The following FAM13C variants were observed in gnomAD, a reference collection of about 807,000 sequenced individuals.
FAM13C encodes the protein family with sequence similarity 13 member C.
FAM13C carries 37 observed loss-of-function variants against 73.2 expected under a neutral mutation model. That is an observed-to-expected ratio of 0.51 (90% CI 0.39 to 0.67). The LOEUF (loss-of-function observed/expected upper bound fraction) is 0.67. Among genes scored for constraint, FAM13C ranks in the 30% least tolerant of loss-of-function variants. The pLI, the probability that FAM13C is intolerant of heterozygous loss-of-function variation, is 0.00. For missense variants in FAM13C, 589 were observed against 715.6 expected, an observed-to-expected ratio of 0.82 and a Z score of 2.02; for synonymous variants, 246 against 260.9, an observed-to-expected ratio of 0.94 and a Z score of 0.55.
intron 6 of FAM13C, among the ~76,000 whole-genome samples, chr10:59,273,177 A>G (rs1199768096): frequency 6.6e-6 from 1 of 152,198 alleles, no homozygotes; most frequent in Non-Finnish European, 1.5e-5. Flanking sequence ...AATTTGATGT[A>G]CTAGTTACAT....
intron 8 of FAM13C, among the ~76,000 whole-genome samples, chr10:59,265,324 G>GCGC (rs752243916): frequency 2.5e-5 from 1 of 39,904 alleles, no homozygotes; most frequent in East Asian, 7.8e-4. Flanking sequence ...GGTTTTGGCG[G>GCGC]GGGGGGGGGG....
chr10:59,326,567 C>T (rs572826597), intron 3 of FAM13C, among the ~76,000 whole-genome samples: 9 of 152,308 alleles, frequency 5.9e-5, no homozygotes, highest in East Asian at 1.9e-4. Context: ...TCTTAGAAAA[C>T]ACCGAGTTTA....
chr10:59,333,614 C>A (rs150440342), intron 3 of FAM13C, among the ~76,000 whole-genome samples: 1 of 152,170 alleles, frequency 6.6e-6, no homozygotes, highest in Non-Finnish European at 1.5e-5. Flanking sequence ...CCTGTTGATA[C>A]GGAATCTCTA....
At chr10:59,297,580 G>T (rs284590) in intron 5 of FAM13C, among the ~76,000 whole-genome samples, 149,370 of 152,204 alleles carry the variant, frequency 0.98, 73,353 homozygotes, top group Middle Eastern at 1. Flanking sequence ...GTTACTTCAA[G>T]GTCCAGGCTG....
At chr10:59,270,531 G>A (rs1365672303) in intron 6 of FAM13C, among the ~76,000 whole-genome samples, 1 of 152,072 alleles carries the variant, frequency 6.6e-6, no homozygotes, top group Non-Finnish European at 1.5e-5. Context: ...AGGGAGAGAA[G>A]GGAGTAGGAG....
chr10:59,337,921 C>T (rs563303839), intron 3 of FAM13C, among the ~76,000 whole-genome samples: 1 of 151,974 alleles, frequency 6.6e-6, no homozygotes, highest in Non-Finnish European at 1.5e-5. Context: ...CTCAGGTAAT[C>T]CACCCACCTC....
chr10:59,312,395 C>G (rs1046576322), intron 4 of FAM13C, among the ~76,000 whole-genome samples: 1 of 152,120 alleles, frequency 6.6e-6, no homozygotes, highest in African/African-American at 2.4e-5. Context: ...CTATCCTTCA[C>G]CTGTCATCTT....
chr10:59,338,381 T>G (rs284639), intron 3 of FAM13C, among the ~76,000 whole-genome samples: 151,254 of 152,234 alleles, frequency 0.99, 75,144 homozygotes, highest in Middle Eastern at 1. Context: ...TCAAGCAGAG[T>G]CACCCTCCAA....
At chr10:59,292,624 C>T (rs1846391216) in intron 5 of FAM13C, among the ~76,000 whole-genome samples, 1 of 152,220 alleles carries the variant, frequency 6.6e-6, no homozygotes, top group Non-Finnish European at 1.5e-5. Context: ...TATGAAATAA[C>T]ATATATCTAT....
chr10:59,347,770 A>T (rs1285066323), intron 3 of FAM13C, among the ~76,000 whole-genome samples: 1 of 151,712 alleles, frequency 6.6e-6, no homozygotes, highest in Non-Finnish European at 1.5e-5. Flanking sequence ...GAGTGAGAAC[A>T]TGCAGTGTTT....
At position 59,251,692 on chromosome 10, in the gene FAM13C, T is replaced by C; in HGVS notation, c.1533-16A>G. The stretch of plus-strand genomic sequence containing the variant: ...AAGTACAGGCCTATATAAGGTAAAA[T>C]ACTTGTCATTACTGGGCACTGGCAT... On this transcript the variant is annotated splice_polypyrimidine_tract_variant and intron_variant, in intron 12 of 13. Coordinates refer to ENST00000618804, the MANE Select transcript of FAM13C (RefSeq NM_198215.4). 1.9e-6 allele frequency: 3 copies of C among 1,550,644 alleles called. No individual in the cohort carries two copies. The highest frequency in any genetic ancestry group is 2.6e-6 in the Non-Finnish European group (3 of 1,139,944).
intron 3 of FAM13C, among the ~76,000 whole-genome samples, chr10:59,343,443 A>ATG (rs1269693237): frequency 6.6e-6 from 1 of 152,190 alleles, no homozygotes; most frequent in Non-Finnish European, 1.5e-5. Context: ...GCTTTGGATT[A>ATG]TGTGCTACTT....
intron 2 of FAM13C, among the ~76,000 whole-genome samples, chr10:59,353,233 C>G (rs1439487519): frequency 6.6e-6 from 1 of 152,136 alleles, no homozygotes; most frequent in African/African-American, 2.4e-5. Context: ...TCCCTACCCC[C>G]CTCCAGTTAC....
At chr10:59,258,748 T>G (rs982673995) in intron 10 of FAM13C, among the ~76,000 whole-genome samples, 12 of 152,206 alleles carry the variant, frequency 7.9e-5, no homozygotes, top group African/African-American at 2.9e-4. Context: ...AAGCAGAAAG[T>G]TTGATGGGAT....
chr10:59,289,069 T>G (rs1433266112), intron 5 of FAM13C, among the ~76,000 whole-genome samples: 1 of 152,180 alleles, frequency 6.6e-6, no homozygotes, highest in East Asian at 1.9e-4. Context: ...TTCCATGGAC[T>G]GGGGCACGGG....
chr10:59,290,647 G>A (rs1191808177), intron 5 of FAM13C, among the ~76,000 whole-genome samples: 1 of 152,088 alleles, frequency 6.6e-6, no homozygotes, highest in Non-Finnish European at 1.5e-5. Context: ...TCAGCAGGGG[G>A]CCCCCTAGTG....
chr10:59,283,670 G>A (rs534072537), intron 5 of FAM13C: 20 of 607,826 alleles, frequency 3.3e-5, no homozygotes, highest in South Asian at 2.1e-4. Context: ...AATCATATAC[G>A]CATCATTCCA....
chr10:59,266,967 G>T lies in FAM13C; in HGVS notation c.942+1586C>A, dbSNP rs528150986. On this transcript the variant is annotated intron_variant, in intron 8 of 13. Coordinates refer to ENST00000618804, the MANE Select transcript of FAM13C (RefSeq NM_198215.4). The stretch of plus-strand genomic sequence containing the variant: ...TACCAAACACTGTAATAAGCATTAT[G>T]TATGTACTTCCTTATTTACTACTTA... Among the ~76,000 whole-genome samples, 38 of 152,298 alleles carry T rather than the reference G, an allele frequency of 2.5e-4. No homozygotes were observed. The South Asian group carries it at 7.7e-3, about 31-fold the overall frequency.
chr10:59,268,526 T>C, intron 8 of FAM13C, 27 bp downstream of exon 8: 4 of 1,612,566 alleles, frequency 2.5e-6, no homozygotes, highest in Non-Finnish European at 3.4e-6. Context: ...ACCAATCCGC[T>C]CCTATGTCAA....
Sources: gnomAD v4.1 joint callset for allele counts (sites outside exome capture counted in the v4.1 genomes callset) on GRCh38, gnomAD v4.1.1 for gene constraint, MANE v1.5 for transcripts, NCBI Gene and HGNC (gene_info 2026-07-23, HGNC 2026-07-21) for gene names.